NUMA1: variants seen among roughly 807,000 people sequenced by gnomAD.
The protein encoded by NUMA1 is nuclear mitotic apparatus protein 1.
NUMA1 carries 62 observed loss-of-function variants against 237.1 expected under a neutral mutation model. The observed-to-expected ratio is 0.26, with a 90% CI of 0.21 to 0.32. The LOEUF (loss-of-function observed/expected upper bound fraction) is 0.32, where lower values mean the gene tolerates loss of function less well. NUMA1 is among the 10% of genes least tolerant of loss of function. The pLI, the probability that NUMA1 is intolerant of heterozygous loss-of-function variation, is 1.00. For missense variants in NUMA1, 2,533 were observed against 2,666.5 expected (o/e 0.95, Z 1.10); for synonymous variants, 1,028 against 1,066.1 (o/e 0.96, Z 0.70).
At chr11:72,032,094 C>T (rs1291254944) in intron 3 of NUMA1, among the ~76,000 whole-genome samples, 2 of 151,918 alleles carry the variant, frequency 1.3e-5, no homozygotes, top group Non-Finnish European at 2.9e-5. Context: ...GCAGGAGTTC[C>T]AGGCTGCTGT....
At chr11:72,047,380 C>G (rs1942061503) in intron 2 of NUMA1, among the ~76,000 whole-genome samples, 1 of 151,936 alleles carries the variant, frequency 6.6e-6, no homozygotes, top group Non-Finnish European at 1.5e-5. Flanking sequence ...CCTAGCTACT[C>G]AGGAGGCTGA....
chr11:72,063,442 C>G (rs1473225460), intron 2 of NUMA1, among the ~76,000 whole-genome samples: 1 of 151,800 alleles, frequency 6.6e-6, no homozygotes, highest in Non-Finnish European at 1.5e-5. Context: ...GTGGCTCACA[C>G]CTGCACTTTG....
intron 17 of NUMA1, among the ~76,000 whole-genome samples, chr11:72,010,449 T>C (rs1956072596): frequency 1.3e-5 from 2 of 152,238 alleles, no homozygotes; most frequent in South Asian, 4.1e-4. Context: ...CGCTGTCCAA[T>C]ACAGCAGCCA....
At chr11:72,019,341 C>A (rs151107747) in intron 9 of NUMA1, among the ~76,000 whole-genome samples, 153 bp downstream of exon 9, 14 of 152,288 alleles carry the variant, frequency 9.2e-5, no homozygotes, top group Middle Eastern at 3.4e-3. Context: ...CCACTTCCCC[C>A]AGTTAATACT....
At chr11:72,038,783 C>T (rs1489592226) in intron 2 of NUMA1, among the ~76,000 whole-genome samples, 3 of 151,992 alleles carry the variant, frequency 2.0e-5, no homozygotes, top group East Asian at 3.9e-4. Context: ...AGGCACCCCC[C>T]GTCCCCCCCA....
At chr11:72,024,029 CCTT>C (rs1259239926) in intron 5 of NUMA1, 1 of 436,096 alleles carries the variant, frequency 2.3e-6, no homozygotes, top group East Asian at 3.9e-5. Context: ...CAAAAAGTAA[CCTT>C]CTGGCTCCAC....
chr11:72,009,529 A>C, intron 17 of NUMA1, 142 bp from the exon 18 acceptor site: 2 of 1,093,022 alleles, frequency 1.8e-6, no homozygotes, highest in Non-Finnish European at 2.5e-6. Context: ...CACCCCAAAT[A>C]CTCTCTGCCC....
At chr11:72,059,017 A>G (rs1353752529) in intron 2 of NUMA1, among the ~76,000 whole-genome samples, 1 of 151,322 alleles carries the variant, frequency 6.6e-6, no homozygotes, top group Non-Finnish European at 1.5e-5. Flanking sequence ...AAAATGTAAA[A>G]CTCCCTCTTC....
rs58350314 is a variant in NUMA1, at chr11:72,055,965, TACACACACAC to T, written c.-33+13867_-33+13876del. 9.6e-3 allele frequency among the ~76,000 whole-genome samples: 1,415 copies of T among 147,320 alleles called. 19 individuals carry two copies. The highest frequency in any genetic ancestry group is 0.075 in the East Asian group (369 of 4,922). On this transcript the variant is annotated intron_variant, in intron 2 of 26. Transcript: ENST00000393695. ...ACCACATCTCTACTAAAAATACACA[TACACACACAC>T]ACACACACACACACACACACACAAT...
intron 8 of NUMA1, 143 bp downstream of exon 8, chr11:72,021,061 C>G (rs1164183173): frequency 4.5e-6 from 3 of 672,454 alleles, no homozygotes; most frequent in Non-Finnish European, 8.0e-6. Flanking sequence ...AATCGACCTA[C>G]TCCATTACAC....
chr11:72,049,937 C>CA (rs1410708621), intron 2 of NUMA1, among the ~76,000 whole-genome samples: 2 of 152,016 alleles, frequency 1.3e-5, no homozygotes, highest in Non-Finnish European at 2.9e-5. Context: ...AGAATCTGGT[C>CA]AAAACATCAC....
At chr11:72,012,831 G>A (rs1956243724) in intron 15 of NUMA1, 64 bp downstream of exon 15, 3 of 1,567,592 alleles carry the variant, frequency 1.9e-6, no homozygotes, top group Middle Eastern at 3.5e-4. Flanking sequence ...TGGACACAGA[G>A]GATCGATGTC....
At chr11:72,024,121 G>T in intron 5 of NUMA1, 153 bp downstream of exon 5, 1 of 622,164 alleles carries the variant, frequency 1.6e-6, no homozygotes, top group Non-Finnish European at 2.8e-6. Context: ...AAGACCCAGG[G>T]GATCTGAACC....
intron 1 of NUMA1, among the ~76,000 whole-genome samples, chr11:72,075,735 C>T (rs1331114830): frequency 1.3e-5 from 2 of 152,216 alleles, no homozygotes; most frequent in Non-Finnish European, 2.9e-5. Flanking sequence ...ATGGAGTTCA[C>T]TCTATTGTGT....
rs749938063 is a variant in NUMA1, at chr11:72,010,878, A to G, written c.4651-24T>C. On this transcript the variant is annotated intron_variant, in intron 16 of 26. Transcript: ENST00000393695. ...ACCTGGGGAGGGAAGAGGAGGACAG[A>G]AGACTCAGGAGGACTTCCCCTGGAT... is the stretch of plus-strand genomic sequence containing the variant. 10 of 1,608,182 alleles carry G rather than the reference A, an allele frequency of 6.2e-6. No homozygotes were observed. In the Admixed American group the frequency reaches 1.7e-4, roughly 27 times the overall value.
chr11:72,012,477 A>G (rs1474468917), intron 15 of NUMA1, 35 bp from the exon 16 acceptor site: 9 of 1,603,666 alleles, frequency 5.6e-6, no homozygotes, highest in Non-Finnish European at 7.7e-6. Flanking sequence ...AGACAGAGTG[A>G]GATGAGGCCA....
intron 24 of NUMA1, 114 bp downstream of exon 24, chr11:72,004,526 G>C: frequency 7.8e-7 from 1 of 1,280,032 alleles, no homozygotes; most frequent in East Asian, 2.4e-5. Context: ...CTTGGAGAGA[G>C]GGAAAGAGAG....
At chr11:72,003,762 A>C in intron 26 of NUMA1, 125 bp downstream of exon 26, 2 of 1,091,602 alleles carry the variant, frequency 1.8e-6, no homozygotes, top group Non-Finnish European at 2.7e-6. Context: ...GGACAGGGAC[A>C]CCTCTTACCC....
At chr11:72,036,417 TAC>T (rs1283480201) in intron 2 of NUMA1, among the ~76,000 whole-genome samples, 7 of 152,250 alleles carry the variant, frequency 4.6e-5, no homozygotes, top group Non-Finnish European at 8.8e-5. Context: ...GGGATCCACA[TAC>T]ACCTCTCTGG....
Sources: allele counts gnomAD v4.1 joint callset (sites outside exome capture counted in the v4.1 genomes callset), GRCh38; gene constraint gnomAD v4.1.1; transcripts MANE v1.5; gene names NCBI Gene and HGNC (gene_info 2026-07-23, HGNC 2026-07-21).